PANK3: variants seen among roughly 807,000 people sequenced by gnomAD.
PANK3 encodes the protein pantothenate kinase 3.
PANK3 carries 20 observed loss-of-function variants against 39.4 expected under a neutral mutation model. The observed-to-expected ratio is 0.51, with a 90% CI of 0.36 to 0.74. PANK3 has a LOEUF of 0.74. PANK3 is among the 30% of genes least tolerant of loss of function. The probability of loss-of-function intolerance (pLI) is 0.00; values close to 1 mark genes in which losing one functional copy is unlikely to be tolerated. For missense variants in PANK3, 265 were observed against 437.0 expected (o/e 0.61, Z 3.51); for synonymous variants, 140 against 157.3 (o/e 0.89, Z 0.82).
chr5:168,568,906 C>A lies in PANK3; in HGVS notation c.121G>T (p.Glu41Ter), dbSNP rs762411357. The A allele has an allele frequency of 3.1e-6, 5 of 1,610,416 alleles. No homozygotes were observed. Reference protein sequence around the residue: ...IDITAEEEQEEVESLKSIRKY... With the variant: ...IDITAEEEQE Reference sequence around the variant, plus strand: ...CGAATACTTTTTAAACTCTCAACTTCTTCTTGCTCTTCCTCTGCTGTGATA... The same window carrying A: ...CGAATACTTTTTAAACTCTCAACTTATTCTTGCTCTTCCTCTGCTGTGATA... Residue 41 changes from glutamate to a stop codon, truncating the protein, a stop_gained, in exon 2 of 7, where the codon GAA (glutamate) becomes TAA (stop). Coordinates refer to ENST00000239231, the MANE Select transcript of PANK3 (RefSeq NM_024594.4). LOFTEE classifies it high-confidence loss of function.
intron 5 of PANK3, 121 bp downstream of exon 5, chr5:168,561,272 A>T: frequency 1.3e-6 from 1 of 789,904 alleles, no homozygotes; most frequent in Non-Finnish European, 1.9e-6. Flanking sequence ...CTTGGCATTT[A>T]ATGGGTTACA....
rs985814100 is a variant in PANK3, at chr5:168,551,317, A to G, written c.*6254T>C. 1 of 152,196 alleles carries G rather than the reference A, an allele frequency of 6.6e-6. No individual in the cohort carries two copies. Among genetic ancestry groups the G allele is most frequent in the Non-Finnish European group, 1.5e-5 (1 of 68,034 alleles). 9.4% of individuals were successfully genotyped at this position (152,196 alleles called of 1,614,324 possible). On this transcript the variant is annotated 3_prime_UTR_variant, in exon 7 of 7. Coordinates refer to ENST00000239231, the MANE Select transcript of PANK3 (RefSeq NM_024594.4). ...CAGATCACTTTAAGTGAGGTCAGAG[A>G]GTATTATCACAAAAAGATAATATAT...
intron 1 of PANK3, among the ~76,000 whole-genome samples, chr5:168,570,658 G>C (rs775985333): frequency 3.3e-5 from 5 of 152,090 alleles, no homozygotes; most frequent in Non-Finnish European, 7.4e-5. Flanking sequence ...AGAGGCATAC[G>C]TCAGTACGGT....
intron 1 of PANK3, among the ~76,000 whole-genome samples, chr5:168,574,250 G>C (rs1049051254): frequency 2.0e-5 from 3 of 150,706 alleles, no homozygotes; most frequent in Non-Finnish European, 3.0e-5. Context: ...GTTTTGATTT[G>C]CATTTCTCTG....
At chr5:168,567,288 T>C (rs1190314944) in intron 2 of PANK3, among the ~76,000 whole-genome samples, 1 of 152,208 alleles carries the variant, frequency 6.6e-6, no homozygotes, top group Admixed American at 6.5e-5. Context: ...ATATAACTAC[T>C]TCATGATGTC....
chr5:168,572,739 G>C (rs963021040), intron 1 of PANK3, among the ~76,000 whole-genome samples: 1 of 152,134 alleles, frequency 6.6e-6, no homozygotes, highest in African/African-American at 2.4e-5. Context: ...TGGGCTCAGA[G>C]GCCTGATGTT....
In PANK3 at chr5:168,565,857, T is replaced by TAAAAAAAA. The variant is rs33910263; in HGVS notation, c.635+148_635+155dup. 1.2e-4 allele frequency among the ~76,000 whole-genome samples: 13 copies of TAAAAAAAA among 104,272 alleles called. 1 individual carries two copies. The highest frequency in any genetic ancestry group is 7.5e-4 in the East Asian group (2 of 2,676). 68.4% of individuals were successfully genotyped at this position (104,272 alleles called of 152,430 possible). A position where few individuals can be genotyped will look rare whatever the true frequency, so the allele number is the denominator to read the frequency against. ...GGGCAACATGGCACCCTCTTTCACT[T>TAAAAAAAA]AAAAAAAAAAAATATATATATATAT... On this transcript the variant is annotated intron_variant, in intron 3 of 6. Coordinates refer to ENST00000239231, the MANE Select transcript of PANK3 (RefSeq NM_024594.4).
chr5:168,569,286 G>A (rs572858990), intron 1 of PANK3, among the ~76,000 whole-genome samples: 7 of 144,722 alleles, frequency 4.8e-5, no homozygotes, highest in Admixed American at 1.4e-4. Flanking sequence ...CCGGGTTCAC[G>A]CCATTCTCCT....
intron 1 of PANK3, among the ~76,000 whole-genome samples, chr5:168,574,793 A>C (rs1759705752): frequency 6.6e-6 from 1 of 152,100 alleles, no homozygotes; most frequent in South Asian, 2.1e-4. Context: ...CCCAGGAGGC[A>C]GAGGTTGCAG....
intron 1 of PANK3, among the ~76,000 whole-genome samples, chr5:168,569,499 G>C (rs1324673301): frequency 6.6e-6 from 1 of 151,826 alleles, no homozygotes; most frequent in Non-Finnish European, 1.5e-5. Context: ...GCCCTTCAAA[G>C]TTTTATTAAT....
At chr5:168,578,413 C>A (rs1759768127) in intron 1 of PANK3, among the ~76,000 whole-genome samples, 1 of 152,174 alleles carries the variant, frequency 6.6e-6, no homozygotes, top group African/African-American at 2.4e-5. Context: ...AGTATCAATA[C>A]GACTCTAAGA....
rs1441027360 is a variant in PANK3, at chr5:168,565,885, A to ATATT, written c.635+127_635+128insAATA. 293 of 194,732 alleles carry ATATT rather than the reference A, an allele frequency of 1.5e-3. 5 individuals are homozygous for ATATT. Among genetic ancestry groups the ATATT allele is most frequent in the Admixed American group, 2.2e-3 (35 of 15,932 alleles). The allele number at this position is 194,732 out of a possible 1,614,324, so 12.1% of individuals were successfully genotyped here. ...AAAAAAAAAATATATATATATATAT[A>ATATT]TTTTTTTTTTTTGCTGTTGTGCAAA... On this transcript the variant is annotated intron_variant, in intron 3 of 6. Coordinates refer to ENST00000239231, the MANE Select transcript of PANK3 (RefSeq NM_024594.4).
intron 2 of PANK3, among the ~76,000 whole-genome samples, chr5:168,567,599 C>T (rs147450236): frequency 2.0e-5 from 3 of 152,066 alleles, no homozygotes; most frequent in Admixed American, 6.6e-5. Flanking sequence ...ATATGGGTCT[C>T]GCTTCTATGA....
At chr5:168,572,969 T>C (rs1759667205) in intron 1 of PANK3, among the ~76,000 whole-genome samples, 2 of 152,020 alleles carry the variant, frequency 1.3e-5, no homozygotes, top group South Asian at 4.2e-4. Flanking sequence ...GAAGGAGCAT[T>C]TGTTGTATAG....
Position 168,552,547 on chromosome 5 carries a change from G to C in PANK3, c.*5024C>G, listed in dbSNP as rs575090501. ...GGTCCAGTTGGAGCAACCAGCCACT[G>C]CTATTGCAAACTGAAGAGTGTGGCC... On this transcript the variant is annotated 3_prime_UTR_variant, in exon 7 of 7. Transcript: ENST00000239231. 4.1e-4 allele frequency: 81 copies of C among 198,750 alleles called. 2 individuals carry two copies. Among genetic ancestry groups the C allele is most frequent in the Middle Eastern group, 2.8e-3 (5 of 1,772 alleles). 12.3% of individuals were successfully genotyped at this position (198,750 alleles called of 1,614,324 possible).
intron 1 of PANK3, among the ~76,000 whole-genome samples, chr5:168,576,747 T>C (rs1213213637): frequency 6.6e-6 from 1 of 151,654 alleles, no homozygotes; most frequent in Non-Finnish European, 1.5e-5. Context: ...ATAAAGAAAA[T>C]GCCATACACA....
chr5:168,548,752 C>A lies in PANK3; in HGVS notation c.*8819G>T, dbSNP rs1217546571. 6.6e-6 allele frequency: 1 copy of A among 152,178 alleles called. No individual in the cohort carries two copies. Among genetic ancestry groups the A allele is most frequent in the Non-Finnish European group, 1.5e-5 (1 of 68,004 alleles). 9.4% of individuals were successfully genotyped at this position (152,178 alleles called of 1,614,324 possible). The stretch of plus-strand genomic sequence containing the variant: ...ACATTTTTCAAATTTACATAAGATA[C>A]TGTACATAAATGAAAAAATAAATTA... On this transcript the variant is annotated 3_prime_UTR_variant, in exon 7 of 7. Transcript: ENST00000239231.
rs1759369470 is a variant in PANK3 at position 168,557,614 on chromosome 5, A to G, written c.1070T>C (p.Phe357Ser). The G allele has an allele frequency of 6.2e-7, 1 of 1,613,634 alleles. No individual in the cohort carries two copies. The highest frequency in any genetic ancestry group is 1.3e-5 in the African/African-American group (1 of 74,928). ...CCCAAGAAGTGCACCAACTGCTCCA[A>G]AGTAACCCTGTGTAATTTAAAAATA... is the stretch of plus-strand genomic sequence containing the variant. ...KALFLEHEGYFGAVGALLGLP... is the reference protein window; with the variant it reads ...KALFLEHEGYSGAVGALLGLP... Residue 357 changes from phenylalanine to serine, a missense_variant, in exon 7 of 7, where the codon TTT becomes TCT. Transcript: ENST00000239231.
intron 1 of PANK3, among the ~76,000 whole-genome samples, chr5:168,573,140 G>A (rs1759669990): frequency 6.6e-6 from 1 of 151,928 alleles, no homozygotes; most frequent in Non-Finnish European, 1.5e-5. Flanking sequence ...GACTTCATAG[G>A]AACCATAATA....
Sources: gnomAD v4.1 joint callset for allele counts (sites outside exome capture counted in the v4.1 genomes callset) on GRCh38, gnomAD v4.1.1 for gene constraint, MANE v1.5 for transcripts, NCBI Gene and HGNC (gene_info 2026-07-23, HGNC 2026-07-21) for gene names.